Variants in ARHGAP10 observed in about 807,000 individuals in gnomAD.
ARHGAP10 encodes rho GTPase-activating protein 10.
ARHGAP10 carries 87 observed loss-of-function variants against 108.6 expected under a neutral mutation model. That is an observed-to-expected ratio of 0.80 (90% CI 0.67 to 0.96). The LOEUF (loss-of-function observed/expected upper bound fraction) is 0.96, where lower values mean the gene tolerates loss of function less well. Ranked by LOEUF, ARHGAP10 falls within the 40% of genes least tolerant of loss-of-function variation. The pLI, the probability that ARHGAP10 is intolerant of heterozygous loss-of-function variation, is 0.00. For missense variants in ARHGAP10, 939 were observed against 954.5 expected, an observed-to-expected ratio of 0.98 and a Z score of 0.21; for synonymous variants, 347 against 341.1, an observed-to-expected ratio of 1.02 and a Z score of -0.19.
intron 12 of ARHGAP10, 103 bp downstream of exon 12, chr4:147,909,880 C>A (rs1736664619): frequency 3.6e-6 from 4 of 1,111,774 alleles, no homozygotes; most frequent in East Asian, 2.4e-5. Context: ...TCTCTGCACC[C>A]TCTATTAGAC....
intron 18 of ARHGAP10, among the ~76,000 whole-genome samples, chr4:148,008,663 T>C (rs564147208): frequency 1.3e-5 from 2 of 152,266 alleles, no homozygotes; most frequent in Non-Finnish European, 2.9e-5. Context: ...TGGATGTTTT[T>C]AATCTTGTTA....
intron 12 of ARHGAP10, among the ~76,000 whole-genome samples, chr4:147,911,502 A>G (rs1046302343): frequency 6.6e-6 from 1 of 152,168 alleles, no homozygotes; most frequent in Non-Finnish European, 1.5e-5. Context: ...AACTGGGACT[A>G]CAGGTGCCCA....
At chr4:147,849,641 C>G (rs1733779660) in intron 4 of ARHGAP10, among the ~76,000 whole-genome samples, 1 of 152,178 alleles carries the variant, frequency 6.6e-6, no homozygotes, top group Non-Finnish European at 1.5e-5. Context: ...GTAGCCCTTG[C>G]CTGAAGCTCT....
At chr4:148,010,658 A>T (rs1296045529) in intron 18 of ARHGAP10, among the ~76,000 whole-genome samples, 1 of 152,208 alleles carries the variant, frequency 6.6e-6, no homozygotes, top group Non-Finnish European at 1.5e-5. Flanking sequence ...AAATTCAGGA[A>T]ATTTGACATG....
At chr4:147,739,925 G>T (rs1396988879) in intron 1 of ARHGAP10, among the ~76,000 whole-genome samples, 3 of 151,800 alleles carry the variant, frequency 2.0e-5, no homozygotes, top group Non-Finnish European at 4.4e-5. Context: ...TTGTAGAGAT[G>T]GGGTTTCACC....
intron 10 of ARHGAP10, among the ~76,000 whole-genome samples, chr4:147,892,577 AGTGTGGGGTTGGCT>A (rs1560812945): frequency 3.1e-4 from 2 of 6,478 alleles, no homozygotes; most frequent in Non-Finnish European, 2.8e-3. Context: ...AGCATGGGGG[AGTGTGGGGTTGGCT>A]GGGAGTGTGG....
intron 20 of ARHGAP10, among the ~76,000 whole-genome samples, chr4:148,060,705 T>C (rs1729581489): frequency 6.6e-6 from 1 of 152,148 alleles, no homozygotes; most frequent in Non-Finnish European, 1.5e-5. Flanking sequence ...TGTCTGCCCT[T>C]GTGGGGTTCT....
intron 18 of ARHGAP10, among the ~76,000 whole-genome samples, chr4:147,989,646 G>A (rs1471742632): frequency 2.0e-5 from 3 of 152,252 alleles, no homozygotes; most frequent in African/African-American, 7.2e-5. Flanking sequence ...GCTCACCGGC[G>A]GTCAGAGTTT....
At chr4:147,864,620 G>A in intron 5 of ARHGAP10, 1 of 443,414 alleles carries the variant, frequency 2.3e-6, no homozygotes, top group Non-Finnish European at 4.0e-6. Context: ...TTAGACTTCT[G>A]TGGACCATAA....
At chr4:147,791,846 A>G (rs577455930) in intron 1 of ARHGAP10, among the ~76,000 whole-genome samples, 4 of 152,230 alleles carry the variant, frequency 2.6e-5, no homozygotes, top group East Asian at 1.9e-4. Flanking sequence ...TGGCCTCTCA[A>G]AGTGCTGGGA....
chr4:147,998,710 G>A (rs1361582065), intron 18 of ARHGAP10, among the ~76,000 whole-genome samples: 2 of 152,202 alleles, frequency 1.3e-5, no homozygotes, highest in Admixed American at 1.3e-4. Context: ...CTACTATTAA[G>A]TGAAAAGAGA....
At chr4:147,936,519 C>T (rs906119774) in intron 13 of ARHGAP10, among the ~76,000 whole-genome samples, 2 of 151,476 alleles carry the variant, frequency 1.3e-5, no homozygotes, top group Admixed American at 6.6e-5. Flanking sequence ...TTAGTAGAGA[C>T]GGGGTTTCAC....
At chr4:147,833,993 C>T (rs1293629316) in intron 3 of ARHGAP10, among the ~76,000 whole-genome samples, 3 of 152,208 alleles carry the variant, frequency 2.0e-5, no homozygotes, top group Admixed American at 6.5e-5. Context: ...ATGCCTCCCA[C>T]GTTCTGCCTA....
chr4:147,919,823 A>G (rs1578689508), intron 13 of ARHGAP10, among the ~76,000 whole-genome samples: 1 of 151,326 alleles, frequency 6.6e-6, no homozygotes, highest in South Asian at 2.1e-4. Context: ...TTAAGTATCT[A>G]CCCTCCTCTG....
chr4:148,065,004 CG>C (rs1729801250), intron 22 of ARHGAP10, among the ~76,000 whole-genome samples: 1 of 152,144 alleles, frequency 6.6e-6, no homozygotes. Context: ...TCTCCAGATT[CG>C]GGTATTGACT....
At chr4:147,970,371 A>G (rs1455999519) in intron 18 of ARHGAP10, among the ~76,000 whole-genome samples, 2 of 151,946 alleles carry the variant, frequency 1.3e-5, no homozygotes, top group Admixed American at 1.3e-4. Flanking sequence ...GAGTAAGGAC[A>G]GGAAAAGTTG....
chr4:147,914,187 C>T (rs530331209), intron 13 of ARHGAP10, among the ~76,000 whole-genome samples: 1 of 152,216 alleles, frequency 6.6e-6, no homozygotes, highest in African/African-American at 2.4e-5. Flanking sequence ...GTATAATTTG[C>T]AGTCAGTACA....
chr4:148,052,673 G>A (rs1018406918), intron 20 of ARHGAP10, among the ~76,000 whole-genome samples: 2 of 152,158 alleles, frequency 1.3e-5, no homozygotes, highest in African/African-American at 4.8e-5. Flanking sequence ...GTGCCTTCTT[G>A]TGGAAGGATG....
chr4:147,767,840 A>G (rs1472741049), intron 1 of ARHGAP10, among the ~76,000 whole-genome samples: 3 of 152,266 alleles, frequency 2.0e-5, no homozygotes, highest in East Asian at 3.8e-4. Context: ...GTGGAGGACC[A>G]GTGAATAACA....
Sources: allele counts gnomAD v4.1 joint callset (sites outside exome capture counted in the v4.1 genomes callset), GRCh38; gene constraint gnomAD v4.1.1; transcripts MANE v1.5; gene names NCBI Gene and HGNC (gene_info 2026-07-23, HGNC 2026-07-21).